ELAVL2: variants seen among roughly 807,000 people sequenced by gnomAD.
ELAVL2 encodes the protein ELAV-like protein 2.
ELAVL2 carries 4 observed loss-of-function variants against 34.6 expected under a neutral mutation model. The ratio of observed to expected loss-of-function variants is 0.12; its 90% CI spans 0.06 to 0.26. The LOEUF (loss-of-function observed/expected upper bound fraction) is 0.26. Ranked by LOEUF, ELAVL2 falls within the 10% of genes least tolerant of loss-of-function variation. The probability of loss-of-function intolerance (pLI) is 1.00; values close to 1 mark genes in which losing one functional copy is unlikely to be tolerated. For missense variants in ELAVL2, 432 were observed against 442.8 expected (o/e 0.98, Z 0.22); for synonymous variants, 193 against 154.8 (o/e 1.25, Z -1.83).
intron 3 of ELAVL2, among the ~76,000 whole-genome samples, chr9:23,707,464 T>C (rs1325514673): frequency 6.6e-6 from 1 of 152,138 alleles, no homozygotes; most frequent in African/African-American, 2.4e-5. Flanking sequence ...ACTCCCATTA[T>C]GAACAGCCAT....
chr9:23,703,742 T>C (rs1245287556), intron 4 of ELAVL2, among the ~76,000 whole-genome samples: 2 of 152,116 alleles, frequency 1.3e-5, no homozygotes, highest in Admixed American at 6.6e-5. Context: ...ATTATTATTA[T>C]ACGGGTGGCG....
chr9:23,702,563 A>G (rs2037645525), intron 4 of ELAVL2, among the ~76,000 whole-genome samples: 1 of 151,844 alleles, frequency 6.6e-6, no homozygotes, highest in East Asian at 1.9e-4. Flanking sequence ...TGAGCACTGG[A>G]CCATCATACT....
chr9:23,793,290 G>C (rs549186622), intron 1 of ELAVL2, among the ~76,000 whole-genome samples: 1 of 152,082 alleles, frequency 6.6e-6, no homozygotes, highest in Non-Finnish European at 1.5e-5. Context: ...ATCATGCCAG[G>C]TACTTACACA....
intron 3 of ELAVL2, among the ~76,000 whole-genome samples, chr9:23,728,049 C>G (rs758442800): frequency 2.0e-5 from 3 of 151,948 alleles, no homozygotes; most frequent in Admixed American, 1.3e-4. Context: ...TTTGATATAA[C>G]GATCAGAAGA....
Position 23,786,299 on chromosome 9 carries a change from A to G in ELAVL2, c.-15-24050T>C, listed in dbSNP as rs532182408. Among the ~76,000 whole-genome samples, 3 of 152,298 alleles carry G rather than the reference A, an allele frequency of 2.0e-5. No individual in the cohort carries two copies. The South Asian group carries it at 6.2e-4, about 32-fold the overall frequency. On this transcript the variant is annotated intron_variant, in intron 1 of 6. Transcript: ENST00000397312. ...CATCAAAATGATGTAAGCAACAAAG[A>G]TCTAATTTATATTGAGATAAACTAT...
At chr9:23,767,372 G>A (rs908251704) in intron 1 of ELAVL2, among the ~76,000 whole-genome samples, 1 of 152,166 alleles carries the variant, frequency 6.6e-6, no homozygotes, top group African/African-American at 2.4e-5. Flanking sequence ...TGAGAGAAAA[G>A]CAGTCTATAT....
At chr9:23,741,294 G>T (rs2049110895) in intron 2 of ELAVL2, among the ~76,000 whole-genome samples, 1 of 152,098 alleles carries the variant, frequency 6.6e-6, no homozygotes, top group South Asian at 2.1e-4. Context: ...CCCCCATCCT[G>T]GAAGCAAGAC....
At chr9:23,713,311 T>G (rs1249725650) in intron 3 of ELAVL2, among the ~76,000 whole-genome samples, 2 of 152,076 alleles carry the variant, frequency 1.3e-5, no homozygotes, top group South Asian at 2.1e-4. Flanking sequence ...TAACAGAAAA[T>G]AAAACAATTG....
upstream of ELAVL2, among the ~76,000 whole-genome samples, chr9:23,828,670 T>A (rs1450083719): frequency 6.6e-6 from 1 of 152,176 alleles, no homozygotes; most frequent in African/African-American, 2.4e-5. Flanking sequence ...CAAAGTATTG[T>A]CATCCCTAAC....
At chr9:23,776,195 T>C (rs2058162292) in intron 1 of ELAVL2, among the ~76,000 whole-genome samples, 1 of 152,208 alleles carries the variant, frequency 6.6e-6, no homozygotes, top group African/African-American at 2.4e-5. Context: ...GAAAGTAGGC[T>C]GTCAAGTCCT....
chr9:23,724,502 T>C (rs2044575381), intron 3 of ELAVL2, among the ~76,000 whole-genome samples: 2 of 152,104 alleles, frequency 1.3e-5, no homozygotes, highest in South Asian at 4.1e-4. Flanking sequence ...CCACATTAGA[T>C]GAGTAAGAAA....
chr9:23,834,523 A>C, the ELAVL2 span, among the ~76,000 whole-genome samples: 4 of 152,046 alleles, frequency 2.6e-5, no homozygotes, highest in African/African-American at 4.8e-5. Flanking sequence ...TAAGTATAAA[A>C]TACTCAAAAC....
intron 3 of ELAVL2, among the ~76,000 whole-genome samples, chr9:23,727,643 C>T (rs542779457): frequency 1.1e-4 from 16 of 151,990 alleles, no homozygotes; most frequent in Admixed American, 5.2e-4. Flanking sequence ...GGACAGGGAT[C>T]GAGTAGATCT....
upstream of ELAVL2, among the ~76,000 whole-genome samples, chr9:23,830,617 CACACACACCT>C: frequency 6.7e-6 from 1 of 148,270 alleles, no homozygotes; most frequent in East Asian, 2.0e-4. Flanking sequence ...CACACACACA[CACACACACCT>C]TTTTTTTTTT....
Position 23,701,386 on chromosome 9 carries a change from G to T in ELAVL2, c.706C>A (p.Arg236Ser). ...GAACCAAACCAGACTTACCTAAAAC[G>T]CTGTGCCTGCTGAGCTAGCGGTCCT... ...YPGPLAQQAQ[R>S]FRLDNLLNMA... Residue 236 changes from arginine (R) to serine (S), a missense_variant, in exon 5 of 7, where the codon CGT becomes AGT. Arg to Ser is a moderately radical substitution (Grantham distance 110). Around this residue, in one of 3 missense-constraint regions of ELAVL2, gnomAD observed 295 missense variants for 306.1 expected, o/e 0.96. Coordinates refer to ENST00000397312, the MANE Select transcript of ELAVL2 (RefSeq NM_004432.5). 1 of 1,614,024 alleles carries T rather than the reference G, an allele frequency of 6.2e-7. No homozygotes were observed. Among genetic ancestry groups the T allele is most frequent in the Non-Finnish European group, 8.5e-7 (1 of 1,179,930 alleles).
At chr9:23,755,090 C>A (rs949419109) in intron 2 of ELAVL2, among the ~76,000 whole-genome samples, 2 of 152,054 alleles carry the variant, frequency 1.3e-5, no homozygotes, top group Non-Finnish European at 2.9e-5. Context: ...GTATATAAGC[C>A]CCCCAACCCT....
intron 1 of ELAVL2, among the ~76,000 whole-genome samples, chr9:23,799,835 G>A (rs2061376873): frequency 1.3e-5 from 2 of 152,118 alleles, no homozygotes; most frequent in Non-Finnish European, 2.9e-5. Context: ...ATTTACCACT[G>A]AAAAGAAAAA....
chr9:23,806,579 A>G (rs2137885330), intron 1 of ELAVL2, among the ~76,000 whole-genome samples: 1 of 152,288 alleles, frequency 6.6e-6, no homozygotes, highest in African/African-American at 2.4e-5. Context: ...TCAAAGTTAC[A>G]GTTAACTATG....
chr9:23,818,423 A>C (rs990243661), intron 1 of ELAVL2, among the ~76,000 whole-genome samples: 4 of 152,214 alleles, frequency 2.6e-5, no homozygotes, highest in African/African-American at 9.6e-5. Flanking sequence ...CATACCGGTT[A>C]CAAGCTGGAA....
Sources: allele counts gnomAD v4.1 joint callset (sites outside exome capture counted in the v4.1 genomes callset), GRCh38; gene constraint gnomAD v4.1.1; regional missense constraint gnomAD v4.1.1; transcripts MANE v1.5; gene names NCBI Gene and HGNC (gene_info 2026-07-23, HGNC 2026-07-21).